Variants in SLC36A1 observed in about 807,000 individuals in gnomAD.
SLC36A1 encodes the protein proton-coupled amino acid transporter 1.
A neutral mutation model predicts 47.5 loss-of-function variants in SLC36A1; 30 were observed. The ratio of observed to expected loss-of-function variants is 0.63; its 90% CI spans 0.47 to 0.86. SLC36A1 has a LOEUF of 0.86. Ranked by LOEUF, SLC36A1 falls within the 40% of genes least tolerant of loss-of-function variation. The pLI is 0.00. For synonymous variants in SLC36A1, 255 were observed against 249.7 expected (o/e 1.02, Z -0.20); for missense variants, 517 against 606.0 (o/e 0.85, Z 1.54).
At chr5:151,533,200 G>A in the SLC36A1 span, among the ~76,000 whole-genome samples, 2 of 152,106 alleles carry the variant, frequency 1.3e-5, no homozygotes, top group East Asian at 1.9e-4. Context: ...TGCTTAGGAA[G>A]TAGGGAGCAT....
At chr5:151,527,331 G>C in the SLC36A1 span, 5 of 1,613,346 alleles carry the variant, frequency 3.1e-6, no homozygotes. Context: ...ATGCAGTGGA[G>C]GCTGCCCACT....
At chr5:151,450,858 CCTAGGCCAG>C (rs1459667544) in intron 1 of SLC36A1, 1 of 152,226 alleles carries the variant, frequency 6.6e-6, no homozygotes, top group Non-Finnish European at 1.5e-5. Flanking sequence ...ATTACTCACA[CCTAGGCCAG>C]CTTTTCTCTT....
chr5:151,519,790 G>C, the SLC36A1 span, among the ~76,000 whole-genome samples: 7 of 151,952 alleles, frequency 4.6e-5, no homozygotes, highest in Non-Finnish European at 8.8e-5. Context: ...AACTGATTCT[G>C]GTGATCCATG....
At chr5:151,546,563 G>A in the SLC36A1 span, among the ~76,000 whole-genome samples, 1 of 152,036 alleles carries the variant, frequency 6.6e-6, no homozygotes, top group African/African-American at 2.4e-5. Flanking sequence ...CTAAGTTTCT[G>A]GGACACAACT....
chr5:151,459,930 C>T (rs1056335588), intron 2 of SLC36A1: 3 of 152,234 alleles, frequency 2.0e-5, no homozygotes, highest in African/African-American at 4.8e-5. Flanking sequence ...ATTCCTGGCC[C>T]GTCACCACCA....
At chr5:151,438,227 T>C (rs755168985) in intron 1 of SLC36A1, among the ~76,000 whole-genome samples, 2 of 152,240 alleles carry the variant, frequency 1.3e-5, no homozygotes, top group Non-Finnish European at 2.9e-5. Flanking sequence ...CCCGTTGTTC[T>C]GGTGAAATGT....
At chr5:151,555,367 C>CTTT in the SLC36A1 span, among the ~76,000 whole-genome samples, 80 of 123,080 alleles carry the variant, frequency 6.5e-4, no homozygotes, top group African/African-American at 1.2e-3. Context: ...TAATATATTT[C>CTTT]TTTTTTTTTT....
the SLC36A1 span, chr5:151,525,841 G>A: frequency 2.5e-6 from 4 of 1,614,044 alleles, no homozygotes; most frequent in Non-Finnish European, 3.4e-6. Context: ...TCCATCCGGG[G>A]TCACTCGGAA....
chr5:151,357,112 A>T, the SLC36A1 span, among the ~76,000 whole-genome samples: 1 of 152,198 alleles, frequency 6.6e-6, no homozygotes, highest in African/African-American at 2.4e-5. Context: ...CGGTTTAGTG[A>T]TGCCCATGTG....
intron 7 of SLC36A1, among the ~76,000 whole-genome samples, chr5:151,468,591 T>A (rs900176166): frequency 4.0e-5 from 6 of 151,284 alleles, no homozygotes; most frequent in Admixed American, 4.0e-4. Flanking sequence ...TTGTGGGGTG[T>A]TTAGCAGCAT....
At chr5:151,544,163 A>T in the SLC36A1 span, 1 of 1,614,238 alleles carries the variant, frequency 6.2e-7, no homozygotes, top group African/African-American at 1.3e-5. Context: ...TTGATCTGGA[A>T]GAACTTGGAA....
intron 5 of SLC36A1, among the ~76,000 whole-genome samples, chr5:151,466,264 T>G (rs1756361068): frequency 6.6e-6 from 1 of 152,234 alleles, no homozygotes; most frequent in South Asian, 2.1e-4. Flanking sequence ...TTTGTTTTGA[T>G]CAAGATAGGA....
chr5:151,396,996 C>T, the SLC36A1 span, among the ~76,000 whole-genome samples: 1 of 152,158 alleles, frequency 6.6e-6, no homozygotes, highest in Non-Finnish European at 1.5e-5. Flanking sequence ...TCTCTGTGAC[C>T]CACCATCACT....
chr5:151,460,812 T>C (rs1036014321), intron 2 of SLC36A1, among the ~76,000 whole-genome samples: 11 of 149,308 alleles, frequency 7.4e-5, no homozygotes, highest in African/African-American at 2.5e-4. Flanking sequence ...ATATTTCTGG[T>C]TTGCCCCACC....
chr5:151,436,017 C>G (rs1186644433), upstream of SLC36A1, among the ~76,000 whole-genome samples: 2 of 151,858 alleles, frequency 1.3e-5, no homozygotes, highest in Non-Finnish European at 2.9e-5. Context: ...TACTAGTGCC[C>G]CTGCTACTAC....
the SLC36A1 span, among the ~76,000 whole-genome samples, chr5:151,367,413 G>T: frequency 7.7e-5 from 11 of 142,076 alleles, no homozygotes; most frequent in Admixed American, 3.6e-4. Context: ...GCTAGGAAAA[G>T]AATTTAGCGA....
At chr5:151,418,860 C>A in the SLC36A1 span, among the ~76,000 whole-genome samples, 1 of 152,106 alleles carries the variant, frequency 6.6e-6, no homozygotes, top group Admixed American at 6.5e-5. Context: ...GTGTCCCAAC[C>A]CAGATCTCAT....
At chr5:151,540,467 C>A in the SLC36A1 span, 1 of 989,820 alleles carries the variant, frequency 1.0e-6, no homozygotes, top group Non-Finnish European at 1.5e-6. Context: ...TCTCCTGCCC[C>A]TCAATCTCCC....
At chr5:151,493,018 G>A (rs535948509), downstream of SLC36A1, among the ~76,000 whole-genome samples, 19 of 152,272 alleles carry the variant, frequency 1.2e-4, no homozygotes, top group Middle Eastern at 3.4e-3. Flanking sequence ...ACATATGTGT[G>A]TGTGTGTGTA....
Sources: allele counts gnomAD v4.1 joint callset (sites outside exome capture counted in the v4.1 genomes callset), GRCh38; gene constraint gnomAD v4.1.1; transcripts MANE v1.5; gene names NCBI Gene and HGNC (gene_info 2026-07-23, HGNC 2026-07-21).